DDX10: variants seen among roughly 807,000 people sequenced by gnomAD.
DDX10 encodes the protein probable ATP-dependent RNA helicase DDX10.
In DDX10, 74 loss-of-function variants were observed where a neutral mutation model predicts 104.3. The observed-to-expected ratio is 0.71, with a 90% CI of 0.59 to 0.86. DDX10 has a LOEUF of 0.86. Ranked by LOEUF, DDX10 falls within the 40% of genes least tolerant of loss-of-function variation. The probability of loss-of-function intolerance (pLI) is 0.00; values close to 1 mark genes in which losing one functional copy is unlikely to be tolerated. For synonymous variants in DDX10, 351 were observed against 353.4 expected (o/e 0.99, Z 0.08); for missense variants, 952 against 1,040.0 (o/e 0.92, Z 1.16).
intron 13 of DDX10, among the ~76,000 whole-genome samples, chr11:108,830,803 G>C (rs905926348): frequency 5.3e-5 from 8 of 152,146 alleles, no homozygotes; most frequent in African/African-American, 1.9e-4. Flanking sequence ...CATCTATTGA[G>C]ATAATCATGT....
chr11:108,852,863 C>T (rs1418933836), intron 16 of DDX10, among the ~76,000 whole-genome samples: 2 of 152,100 alleles, frequency 1.3e-5, no homozygotes, highest in African/African-American at 4.8e-5. Context: ...AACTAGGGCC[C>T]AATAACATAT....
rs116455462 is a variant in DDX10, at chr11:108,896,233, C to T, written c.2305-21640C>T. On this transcript the variant is annotated intron_variant, in intron 16 of 17. Transcript: ENST00000322536. ...TCTAAAGAGTACTGACAATGGACAC[C>T]GATACATTTAAAAGCAAAACAAATG... Among the ~76,000 whole-genome samples, 1,015 of 152,140 alleles carry T rather than the reference C, an allele frequency of 6.7e-3. 14 individuals carry two copies. Among genetic ancestry groups the T allele is most frequent in the African/African-American group, 0.023 (951 of 41,516 alleles).
At chr11:108,707,038 C>T (rs1017340505) in intron 10 of DDX10, among the ~76,000 whole-genome samples, 2 of 152,112 alleles carry the variant, frequency 1.3e-5, no homozygotes, top group Admixed American at 1.3e-4. Flanking sequence ...CCCCATTCCC[C>T]AAACATGCAC....
intron 13 of DDX10, among the ~76,000 whole-genome samples, chr11:108,776,499 G>T (rs1362132093): frequency 6.6e-6 from 1 of 152,074 alleles, no homozygotes; most frequent in Non-Finnish European, 1.5e-5. Context: ...GAATGGCAGT[G>T]ACCTCAGGGA....
chr11:108,689,214 T>C (rs2094248754), intron 7 of DDX10, 152 bp downstream of exon 7: 3 of 767,390 alleles, frequency 3.9e-6, no homozygotes, highest in Non-Finnish European at 6.4e-6. Flanking sequence ...AATCCGTGGC[T>C]GAGACTTTCA....
chr11:108,834,857 G>A (rs1862529814), intron 13 of DDX10, among the ~76,000 whole-genome samples: 1 of 150,706 alleles, frequency 6.6e-6, no homozygotes, highest in South Asian at 2.1e-4. Flanking sequence ...GAACCCGGGA[G>A]GTGGAGCTTG....
At chr11:108,727,059 T>C (rs948674714) in intron 13 of DDX10, among the ~76,000 whole-genome samples, 2 of 152,088 alleles carry the variant, frequency 1.3e-5, no homozygotes, top group African/African-American at 4.8e-5. Context: ...TTTATATTTA[T>C]ATTATAGGAT....
chr11:108,682,014 T>G (rs2094236000), intron 6 of DDX10, among the ~76,000 whole-genome samples: 6 of 152,218 alleles, frequency 3.9e-5, no homozygotes, highest in Admixed American at 3.9e-4. Flanking sequence ...ATTATTTATT[T>G]GTAATACGAG....
At chr11:108,863,500 A>G (rs960979460) in intron 16 of DDX10, among the ~76,000 whole-genome samples, 4 of 152,246 alleles carry the variant, frequency 2.6e-5, no homozygotes, top group Admixed American at 2.0e-4. Flanking sequence ...TATTTCATAA[A>G]ATTATCTCAT....
chr11:108,697,408 C>T (rs995676033), intron 9 of DDX10, among the ~76,000 whole-genome samples: 4 of 151,892 alleles, frequency 2.6e-5, no homozygotes, highest in Admixed American at 1.3e-4. Flanking sequence ...ATAGTGTTTG[C>T]TTTTGCAATT....
intron 13 of DDX10, among the ~76,000 whole-genome samples, chr11:108,759,803 A>T (rs966536284): frequency 6.6e-6 from 1 of 151,852 alleles, no homozygotes; most frequent in East Asian, 1.9e-4. Context: ...TGGCAGTAAG[A>T]TTTTTGTTTT....
chr11:108,761,777 G>A (rs2094351131), intron 13 of DDX10, among the ~76,000 whole-genome samples: 2 of 152,128 alleles, frequency 1.3e-5, no homozygotes, highest in African/African-American at 4.8e-5. Context: ...CTTGTAAGAA[G>A]TAAAACTAAC....
intron 14 of DDX10, 56 bp downstream of exon 14, chr11:108,838,621 C>G: frequency 6.5e-7 from 1 of 1,538,718 alleles, no homozygotes; most frequent in South Asian, 1.3e-5. Flanking sequence ...TAGAAGAGAT[C>G]GACTCTCTCT....
chr11:108,851,771 G>A (rs977166957), intron 15 of DDX10, among the ~76,000 whole-genome samples: 2 of 151,686 alleles, frequency 1.3e-5, no homozygotes, highest in African/African-American at 4.9e-5. Flanking sequence ...AGCTTTCTGA[G>A]TTTTTCTTTT....
chr11:108,687,021 G>A (rs372071009), intron 6 of DDX10, among the ~76,000 whole-genome samples: 1 of 152,136 alleles, frequency 6.6e-6, no homozygotes, highest in Non-Finnish European at 1.5e-5. Context: ...TCCTGACCTC[G>A]TGATCTGCCT....
intron 11 of DDX10, among the ~76,000 whole-genome samples, chr11:108,716,265 A>AT (rs950536259): frequency 1.3e-5 from 2 of 151,798 alleles, no homozygotes; most frequent in East Asian, 3.9e-4. Flanking sequence ...CACCTGGCTA[A>AT]TTTTTTTGTA....
chr11:108,868,189 A>G (rs1356562690), intron 16 of DDX10: 1 of 152,100 alleles, frequency 6.6e-6, no homozygotes, highest in Admixed American at 6.5e-5. Flanking sequence ...CTAATAACAA[A>G]GGACTTTCAT....
chr11:108,736,719 A>G (rs763377745), intron 13 of DDX10, among the ~76,000 whole-genome samples: 2 of 152,110 alleles, frequency 1.3e-5, no homozygotes, highest in Non-Finnish European at 2.9e-5. Context: ...GCCTTCTGCC[A>G]TGTGAGGATG....
At chr11:108,691,780 C>A (rs1267456725) in intron 7 of DDX10, 96 bp from the exon 8 acceptor site, 3 of 1,046,354 alleles carry the variant, frequency 2.9e-6, no homozygotes, top group Non-Finnish European at 2.7e-6. Context: ...TATCACATTG[C>A]TCTGCTGTTG....
Sources: allele counts gnomAD v4.1 joint callset (sites outside exome capture counted in the v4.1 genomes callset), GRCh38; gene constraint gnomAD v4.1.1; transcripts MANE v1.5; gene names NCBI Gene and HGNC (gene_info 2026-07-23, HGNC 2026-07-21).